Variants in FRMD3 observed in about 807,000 individuals in gnomAD.
FRMD3 encodes FERM domain containing 3, also known as FERM domain-containing protein 3.
Under a neutral mutation model 70.2 loss-of-function variants are expected in FRMD3, and 33 were observed. That is an observed-to-expected ratio of 0.47 (90% CI 0.36 to 0.63). The LOEUF (loss-of-function observed/expected upper bound fraction) is 0.63. Ranked by LOEUF, FRMD3 falls within the 20% of genes least tolerant of loss-of-function variation. The pLI is 0.00. For missense variants in FRMD3, 632 were observed against 711.4 expected (o/e 0.89, Z 1.27); for synonymous variants, 279 against 255.9 (o/e 1.09, Z -0.86).
chr9:83,411,713 CT>C (rs1826283627), intron 1 of FRMD3, among the ~76,000 whole-genome samples: 1 of 152,180 alleles, frequency 6.6e-6, no homozygotes, highest in African/African-American at 2.4e-5. Flanking sequence ...TATTTCACTA[CT>C]GTTCACTATT....
intron 1 of FRMD3, chr9:83,467,628 T>A: frequency 6.5e-7 from 1 of 1,531,250 alleles, no homozygotes; most frequent in Non-Finnish European, 8.7e-7. Context: ...CTTTGAAAGC[T>A]GCATAAGCAG....
At chr9:83,509,497 A>G (rs1829286829) in intron 1 of FRMD3, among the ~76,000 whole-genome samples, 1 of 152,244 alleles carries the variant, frequency 6.6e-6, no homozygotes, top group Non-Finnish European at 1.5e-5. Flanking sequence ...GAAATAAATC[A>G]CAAAGCTGAA....
chr9:83,289,129 A>G (rs1263804461), intron 13 of FRMD3, among the ~76,000 whole-genome samples: 1 of 152,212 alleles, frequency 6.6e-6, no homozygotes, highest in East Asian at 1.9e-4. Context: ...TTCCAAGCAT[A>G]TAGGAAGAAA....
chr9:83,347,348 T>C (rs1343356114), intron 4 of FRMD3, among the ~76,000 whole-genome samples: 2 of 152,340 alleles, frequency 1.3e-5, no homozygotes, highest in Non-Finnish European at 1.5e-5. Context: ...TTTAGTGTCA[T>C]TCCTGCATAA....
intron 2 of FRMD3, among the ~76,000 whole-genome samples, chr9:83,380,101 T>A (rs79572962): frequency 0.013 from 1,984 of 152,286 alleles, 32 homozygotes; most frequent in African/African-American, 0.045. Context: ...CTAAAAGCTG[T>A]CTTCCATGGT....
chr9:83,420,189 A>C (rs573993394), intron 1 of FRMD3, among the ~76,000 whole-genome samples: 137 of 152,332 alleles, frequency 9.0e-4, no homozygotes, highest in Non-Finnish European at 1.4e-3. Context: ...ACGGGATTCT[A>C]GCAGGCAGAT....
Position 83,331,238 on chromosome 9 carries a change from A to G in FRMD3, c.596+4278T>C, listed in dbSNP as rs570637572. The stretch of plus-strand genomic sequence containing the variant: ...AGCAGGTAAATGGATAAATTATGAT[A>G]CATACAGACAATGGAATATTATTTT... On this transcript the variant is annotated intron_variant, in intron 6 of 13. Transcript: ENST00000304195. Among the ~76,000 whole-genome samples, 13 of 152,386 alleles carry G rather than the reference A, an allele frequency of 8.5e-5. No individual in the cohort carries two copies. The South Asian group carries it at 2.7e-3, about 32-fold the overall frequency.
At chr9:83,375,340 G>A (rs1389123552) in intron 2 of FRMD3, among the ~76,000 whole-genome samples, 1 of 152,214 alleles carries the variant, frequency 6.6e-6, no homozygotes, top group African/African-American at 2.4e-5. Flanking sequence ...ACACCTTGCA[G>A]TTTCAGATCA....
intron 13 of FRMD3, among the ~76,000 whole-genome samples, chr9:83,260,998 TC>T (rs1453587957): frequency 1.3e-5 from 2 of 152,082 alleles, no homozygotes; most frequent in Non-Finnish European, 2.9e-5. Flanking sequence ...CTACAAATGT[TC>T]CTGGTGCCTC....
At chr9:83,257,032 A>G (rs1177592390) in intron 13 of FRMD3, among the ~76,000 whole-genome samples, 2 of 152,196 alleles carry the variant, frequency 1.3e-5, no homozygotes, top group Non-Finnish European at 2.9e-5. Context: ...TTTATACCCA[A>G]AGGAATATAA....
At chr9:83,469,264 T>C (rs2375927) in intron 1 of FRMD3, among the ~76,000 whole-genome samples, 53,299 of 151,972 alleles carry the variant, frequency 0.35, 9,673 homozygotes, top group Middle Eastern at 0.41. Context: ...TAAGTAGCAG[T>C]TCGCTGCTGA....
At chr9:83,307,245 G>T (rs942086961) in intron 10 of FRMD3, among the ~76,000 whole-genome samples, 3 of 152,124 alleles carry the variant, frequency 2.0e-5, no homozygotes, top group African/African-American at 7.2e-5. Flanking sequence ...AAAAGCTTAG[G>T]CACTGAAAAC....
chr9:83,270,357 T>A (rs1211500855), intron 13 of FRMD3, among the ~76,000 whole-genome samples: 1 of 152,170 alleles, frequency 6.6e-6, no homozygotes, highest in East Asian at 1.9e-4. Flanking sequence ...GAGCCTGAAT[T>A]CCATGGCTGC....
At chr9:83,272,199 C>T (rs1421420728) in intron 13 of FRMD3, among the ~76,000 whole-genome samples, 1 of 152,076 alleles carries the variant, frequency 6.6e-6, no homozygotes, top group African/African-American at 2.4e-5. Context: ...ACTGCAACCT[C>T]CCTGCCTGAT....
intron 6 of FRMD3, among the ~76,000 whole-genome samples, chr9:83,317,053 A>T (rs964118767): frequency 7.2e-5 from 11 of 152,160 alleles, no homozygotes; most frequent in East Asian, 3.9e-4. Flanking sequence ...ATTTTTTTTT[A>T]AATTAGCCAG....
chr9:83,447,324 G>A (rs970814437), intron 1 of FRMD3, among the ~76,000 whole-genome samples: 1 of 152,120 alleles, frequency 6.6e-6, no homozygotes, highest in Non-Finnish European at 1.5e-5. Context: ...CGCCCGGCCA[G>A]ATCAGGGTTT....
chr9:83,316,139 CT>C (rs1835557627), intron 6 of FRMD3, among the ~76,000 whole-genome samples: 2 of 141,426 alleles, frequency 1.4e-5, no homozygotes, highest in South Asian at 4.6e-4. Context: ...CCACCTTATT[CT>C]TTTTTCTCTT....
intron 1 of FRMD3, among the ~76,000 whole-genome samples, chr9:83,443,702 C>T (rs1242756952): frequency 2.6e-5 from 4 of 152,132 alleles, no homozygotes; most frequent in East Asian, 1.9e-4. Flanking sequence ...TCCAGATCCT[C>T]GAGGAATCGC....
chr9:83,535,477 CA>C (rs1327405532), intron 1 of FRMD3, among the ~76,000 whole-genome samples: 1 of 152,136 alleles, frequency 6.6e-6, no homozygotes, highest in East Asian at 1.9e-4. Context: ...CAGGAGTGAA[CA>C]ACTAACACAT....
Sources: allele counts gnomAD v4.1 joint callset (sites outside exome capture counted in the v4.1 genomes callset), GRCh38; gene constraint gnomAD v4.1.1; transcripts MANE v1.5; gene names NCBI Gene and HGNC (gene_info 2026-07-23, HGNC 2026-07-21).